The following FAT3 variants were observed in gnomAD, a reference collection of about 807,000 sequenced individuals.
The protein encoded by FAT3 is protocadherin Fat 3.
In FAT3, 95 loss-of-function variants were observed where a neutral mutation model predicts 310.2. That is an observed-to-expected ratio of 0.31 (90% confidence interval 0.26 to 0.36). The LOEUF is 0.36. FAT3 is among the 10% of genes least tolerant of loss of function. FAT3 has a pLI of 1.00. For missense variants in FAT3, 5,408 were observed against 5,715.6 expected (o/e 0.95, Z 1.74); for synonymous variants, 2,314 against 2,192.9 (o/e 1.06, Z -1.54).
chr11:92,349,097 A>T (rs1386457256), intron 1 of FAT3, among the ~76,000 whole-genome samples: 1 of 152,164 alleles, frequency 6.6e-6, no homozygotes. Flanking sequence ...TCTGATGACC[A>T]TGGAGTCTAG....
rs2136083642 is a variant in FAT3, at chr11:92,761,883, C to A, written c.3697C>A (p.Pro1233Thr). ...GACTGTGACAGATGGTGGTCCCTCT[C>A]CAAAACAGTCAACCATTTGGGTGGT... ...EVTVTDGGPS[P>T]KQSTIWVVVQ... Residue 1233 changes from proline to threonine, a missense_variant, in exon 5 of 28, where the codon CCA becomes ACA. Pro to Thr is a conservative substitution (Grantham distance 38). Coordinates refer to ENST00000525166, the MANE Select transcript of FAT3 (RefSeq NM_001367949.2). 1.2e-6 allele frequency: 2 copies of A among 1,613,876 alleles called. No individual in the cohort carries two copies. The highest frequency in any genetic ancestry group is 8.5e-7 in the Non-Finnish European group (1 of 1,179,850).
At chr11:92,260,788 C>G (rs1865518246) in intron 1 of FAT3, among the ~76,000 whole-genome samples, 1 of 152,100 alleles carries the variant, frequency 6.6e-6, no homozygotes, top group African/African-American at 2.4e-5. Context: ...GCCGGCCTCT[C>G]TTTAATAAGT....
chr11:92,786,937 G>A (rs2136148153), intron 7 of FAT3, among the ~76,000 whole-genome samples: 1 of 152,238 alleles, frequency 6.6e-6, no homozygotes, highest in South Asian at 2.1e-4. Context: ...TTATCTTCAG[G>A]ATATAATGCA....
chr11:92,335,281 C>G (rs1241321639), intron 1 of FAT3, among the ~76,000 whole-genome samples: 1 of 151,094 alleles, frequency 6.6e-6, no homozygotes, highest in African/African-American at 2.4e-5. Context: ...CGAATGTATT[C>G]AAAATTCCTA....
chr11:92,418,623 C>T (rs1950470811), intron 2 of FAT3, among the ~76,000 whole-genome samples: 1 of 152,020 alleles, frequency 6.6e-6, no homozygotes, highest in African/African-American at 2.4e-5. Flanking sequence ...GTACTTGCCT[C>T]CCCAGGACCC....
intron 3 of FAT3, among the ~76,000 whole-genome samples, chr11:92,528,539 A>G (rs1021195039): frequency 6.6e-6 from 1 of 152,252 alleles, no homozygotes; most frequent in Admixed American, 6.5e-5. Context: ...GGCGCCTGCC[A>G]CCACACCCGG....
chr11:92,339,595 G>A (rs551590642), intron 1 of FAT3, among the ~76,000 whole-genome samples: 1 of 152,262 alleles, frequency 6.6e-6, no homozygotes, highest in South Asian at 2.1e-4. Flanking sequence ...GTGCTCTGAG[G>A]ACACATGACA....
intron 19 of FAT3, among the ~76,000 whole-genome samples, chr11:92,854,804 C>T (rs1212495162): frequency 1.3e-5 from 2 of 152,106 alleles, no homozygotes; most frequent in East Asian, 1.9e-4. Flanking sequence ...GCAGCCATTA[C>T]ATTAGAACAG....
chr11:92,456,874 G>A lies in FAT3; in HGVS notation c.3293-67760G>A, dbSNP rs192878496. On this transcript the variant is annotated intron_variant, in intron 2 of 27. Coordinates refer to ENST00000525166, the MANE Select transcript of FAT3 (RefSeq NM_001367949.2). ...GGGCATGTGTGCCATGGTGAACAGCGCTAGGATGAGACTGCCTTATGCCTA... is the reference window on the plus strand; with the variant it reads ...GGGCATGTGTGCCATGGTGAACAGCACTAGGATGAGACTGCCTTATGCCTA... Among the ~76,000 whole-genome samples the A allele has an allele frequency of 3.4e-4, 51 of 152,236 alleles. No individual in the cohort carries two copies. In the East Asian group the frequency reaches 5.6e-3, roughly 17 times the overall value.
At chr11:92,667,121 G>T (rs971873751) in intron 3 of FAT3, among the ~76,000 whole-genome samples, 3 of 152,122 alleles carry the variant, frequency 2.0e-5, no homozygotes, top group African/African-American at 7.2e-5. Flanking sequence ...TAAGATGAAG[G>T]AGTGATGCCT....
intron 1 of FAT3, among the ~76,000 whole-genome samples, chr11:92,228,858 A>G (rs1864030462): frequency 6.6e-6 from 1 of 151,976 alleles, no homozygotes; most frequent in Admixed American, 6.5e-5. Flanking sequence ...TTTTTTTTCC[A>G]TTGTGGGGTC....
At position 92,559,628 on chromosome 11, in the gene FAT3, C is replaced by T. The variant is rs542793752; in HGVS notation, c.3607+34680C>T. On this transcript the variant is annotated intron_variant, in intron 3 of 27. Transcript: ENST00000525166. ...CCTGGTCCCAAATGATCCTCTTCCT[C>T]TGCCTCCCAAGCACTGGAATTACAG... 3 of 168,032 alleles carry T rather than the reference C, an allele frequency of 1.8e-5. No homozygotes were observed. In the East Asian group the frequency reaches 5.5e-4, roughly 31 times the overall value. 10.4% of individuals were successfully genotyped at this position (168,032 alleles called of 1,614,324 possible). A position where few individuals can be genotyped will look rare whatever the true frequency, so the allele number is the denominator to read the frequency against.
chr11:92,261,787 C>T (rs1377804565), intron 1 of FAT3, among the ~76,000 whole-genome samples: 1 of 152,080 alleles, frequency 6.6e-6, no homozygotes, highest in Admixed American at 6.6e-5. Flanking sequence ...GTGCAATGTA[C>T]TTTGAAATTC....
At chr11:92,817,442 A>T (rs1252913926) in intron 13 of FAT3, among the ~76,000 whole-genome samples, 1 of 152,216 alleles carries the variant, frequency 6.6e-6, no homozygotes, top group Non-Finnish European at 1.5e-5. Context: ...TTATCTTTTG[A>T]TAGAGCTTCC....
chr11:92,225,413 G>T (rs1565336402), intron 1 of FAT3, among the ~76,000 whole-genome samples: 1 of 152,308 alleles, frequency 6.6e-6, no homozygotes. Flanking sequence ...GCCCCGCGGC[G>T]GGAGCCGGGA....
chr11:92,657,211 G>A (rs575994602), intron 3 of FAT3, among the ~76,000 whole-genome samples: 1 of 152,312 alleles, frequency 6.6e-6, no homozygotes, highest in East Asian at 1.9e-4. Context: ...GGATTGGGCT[G>A]ATCCCCTATT....
chr11:92,352,140 G>A lies in FAT3; in HGVS notation c.28G>A (p.Gly10Ser). Reference protein sequence around the residue: MDIIMGHCVGTRPPACCLIL... With the variant: MDIIMGHCVSTRPPACCLIL... ...GGATATAATTATGGGACACTGTGTG[G>A]GCACACGGCCTCCTGCTTGTTGCCT... Residue 10 changes from glycine (G) to serine (S), a missense_variant, in exon 2 of 28, where the codon GGC (glycine) becomes AGC (serine). Transcript: ENST00000525166. 1.5e-6 allele frequency: 2 copies of A among 1,363,804 alleles called. No homozygotes were observed. The highest frequency in any genetic ancestry group is 9.8e-7 in the Non-Finnish European group (1 of 1,020,128). 84.5% of individuals were successfully genotyped at this position (1,363,804 alleles called of 1,614,324 possible).
chr11:92,676,839 T>C (rs2135843825), intron 3 of FAT3, among the ~76,000 whole-genome samples: 1 of 152,346 alleles, frequency 6.6e-6, no homozygotes, highest in Non-Finnish European at 1.5e-5. Context: ...AGTTGTCTTA[T>C]TTGGACTCTC....
chr11:92,342,940 A>T (rs1389127368), intron 1 of FAT3, among the ~76,000 whole-genome samples: 1 of 152,064 alleles, frequency 6.6e-6, no homozygotes, highest in Non-Finnish European at 1.5e-5. Context: ...AGTGATTTTT[A>T]AAAGGCTTGA....
Sources: allele counts gnomAD v4.1 joint callset (sites outside exome capture counted in the v4.1 genomes callset), GRCh38; gene constraint gnomAD v4.1.1; transcripts MANE v1.5; gene names NCBI Gene and HGNC (gene_info 2026-07-23, HGNC 2026-07-21).